Variants in CTNNAL1 observed in about 807,000 individuals in gnomAD.
CTNNAL1 encodes alpha-catulin.
Under a neutral mutation model 93.6 loss-of-function variants are expected in CTNNAL1, and 69 were observed. That is an observed-to-expected ratio of 0.74 (90% CI 0.61 to 0.90). The LOEUF (loss-of-function observed/expected upper bound fraction) is 0.90, where lower values mean the gene tolerates loss of function less well. CTNNAL1 is among the 40% of genes least tolerant of loss of function. The pLI, the probability that CTNNAL1 is intolerant of heterozygous loss-of-function variation, is 0.00. For missense variants in CTNNAL1, 836 were observed against 862.0 expected (o/e 0.97, Z 0.38); for synonymous variants, 286 against 305.4 (o/e 0.94, Z 0.66).
intron 11 of CTNNAL1, among the ~76,000 whole-genome samples, chr9:108,963,902 A>C (rs1309065010): frequency 6.6e-6 from 1 of 152,210 alleles, no homozygotes; most frequent in Non-Finnish European, 1.5e-5. Flanking sequence ...TTATTGAGTC[A>C]AGGACACTTG....
At chr9:108,969,043 G>C (rs1219687278) in intron 10 of CTNNAL1, among the ~76,000 whole-genome samples, 1 of 152,022 alleles carries the variant, frequency 6.6e-6, no homozygotes, top group African/African-American at 2.4e-5. Context: ...AGGCCGAGGC[G>C]GGGGGATCAT....
At chr9:108,983,352 A>T in intron 5 of CTNNAL1, 37 bp from the exon 6 acceptor site, 1 of 1,405,168 alleles carries the variant, frequency 7.1e-7, no homozygotes, top group Non-Finnish European at 9.3e-7. Flanking sequence ...TTAATATTTG[A>T]TTTATGTCAT....
intron 2 of CTNNAL1, among the ~76,000 whole-genome samples, chr9:108,997,588 C>A (rs1468511528): frequency 1.3e-5 from 2 of 152,104 alleles, no homozygotes; most frequent in African/African-American, 4.8e-5. Flanking sequence ...ATCTTGTCCA[C>A]CCCTCTACAT....
At chr9:108,959,822 C>T (rs964587387) in intron 11 of CTNNAL1, among the ~76,000 whole-genome samples, 5 of 152,072 alleles carry the variant, frequency 3.3e-5, no homozygotes, top group African/African-American at 1.2e-4. Flanking sequence ...TACAATTGTG[C>T]CATCTTCTGA....
chr9:108,956,631 G>A (rs1830694732), intron 11 of CTNNAL1, among the ~76,000 whole-genome samples: 3 of 152,142 alleles, frequency 2.0e-5, no homozygotes, highest in Non-Finnish European at 2.9e-5. Flanking sequence ...CAACCATTTT[G>A]AAATTTCATA....
chr9:108,967,020 T>C (rs1830972894), intron 10 of CTNNAL1, among the ~76,000 whole-genome samples: 1 of 152,206 alleles, frequency 6.6e-6, no homozygotes, highest in African/African-American at 2.4e-5. Flanking sequence ...TCACAGCAGA[T>C]CCTTTCCCTT....
intron 14 of CTNNAL1, among the ~76,000 whole-genome samples, chr9:108,949,434 G>A (rs888238717): frequency 1.3e-5 from 2 of 152,158 alleles, no homozygotes; most frequent in Admixed American, 6.5e-5. Flanking sequence ...TTGGCCAAGC[G>A]CGGTGGCTCA....
chr9:109,009,406 A>G (rs746882851), intron 1 of CTNNAL1, among the ~76,000 whole-genome samples: 2 of 152,014 alleles, frequency 1.3e-5, no homozygotes, highest in Admixed American at 6.6e-5. Flanking sequence ...ATCCAATTTC[A>G]TAATTTCTAT....
intron 3 of CTNNAL1, among the ~76,000 whole-genome samples, chr9:108,991,203 G>A (rs1354658740): frequency 6.6e-6 from 1 of 152,214 alleles, no homozygotes; most frequent in Non-Finnish European, 1.5e-5. Flanking sequence ...ACTGGGAAGG[G>A]GTGAGGATGA....
intron 1 of CTNNAL1, among the ~76,000 whole-genome samples, chr9:109,002,370 C>T (rs1005613782): frequency 2.6e-5 from 4 of 152,140 alleles, no homozygotes; most frequent in Non-Finnish European, 5.9e-5. Context: ...TAAGTTCCAA[C>T]ATATAAATTT....
chr9:108,969,145 C>T (rs1055168079), intron 10 of CTNNAL1, among the ~76,000 whole-genome samples: 1 of 152,012 alleles, frequency 6.6e-6, no homozygotes, highest in East Asian at 1.9e-4. Context: ...TGGCATATGC[C>T]TGTAATCCCA....
chr9:108,972,865 A>ACCCCCCG, intron 8 of CTNNAL1, 32 bp from the exon 9 acceptor site: 1 of 219,282 alleles, frequency 4.6e-6, no homozygotes, highest in Non-Finnish European at 6.2e-6. Flanking sequence ...GGGGGGTGGG[A>ACCCCCCG]GGGTGGAGAA....
At chr9:108,971,162 T>C (rs558182299) in intron 9 of CTNNAL1, among the ~76,000 whole-genome samples, 1 of 152,354 alleles carries the variant, frequency 6.6e-6, no homozygotes, top group East Asian at 1.9e-4. Context: ...ACAGTCATTT[T>C]AAGAATGTTC....
At chr9:108,971,503 G>A (rs2132129978) in intron 9 of CTNNAL1, among the ~76,000 whole-genome samples, 1 of 152,312 alleles carries the variant, frequency 6.6e-6, no homozygotes, top group East Asian at 1.9e-4. Context: ...CATGGGGGCA[G>A]TTTCCTCCAT....
chr9:108,960,662 GAACA>G (rs560782838), intron 11 of CTNNAL1, among the ~76,000 whole-genome samples: 8 of 152,222 alleles, frequency 5.3e-5, no homozygotes, highest in Non-Finnish European at 1.2e-4. Context: ...GATTGAAATA[GAACA>G]AAGGGAATTC....
intron 11 of CTNNAL1, among the ~76,000 whole-genome samples, chr9:108,956,629 T>C (rs532114567): frequency 4.7e-4 from 72 of 152,326 alleles, no homozygotes; most frequent in African/African-American, 1.5e-3. Context: ...TTCAACCATT[T>C]TGAAATTTCA....
At chr9:109,008,908 G>C (rs1175720800) in intron 1 of CTNNAL1, among the ~76,000 whole-genome samples, 1 of 80,748 alleles carries the variant, frequency 1.2e-5, no homozygotes, top group African/African-American at 4.7e-5. Flanking sequence ...TTTTTTTTGA[G>C]ACAGGGTCTC....
chr9:108,990,620 C>T, intron 4 of CTNNAL1, 106 bp downstream of exon 4: 1 of 1,384,446 alleles, frequency 7.2e-7, no homozygotes, highest in Non-Finnish European at 9.6e-7. Flanking sequence ...AGGCTATAGA[C>T]TTAATAAGCA....
At chr9:108,976,553 C>T (rs369437396) in intron 8 of CTNNAL1, among the ~76,000 whole-genome samples, 3 of 150,404 alleles carry the variant, frequency 2.0e-5, no homozygotes, top group African/African-American at 7.4e-5. Context: ...TTTTTTGAGA[C>T]ACAGTCTCAC....
Sources: allele counts gnomAD v4.1 joint callset (sites outside exome capture counted in the v4.1 genomes callset), GRCh38; gene constraint gnomAD v4.1.1; transcripts MANE v1.5; gene names NCBI Gene and HGNC (gene_info 2026-07-23, HGNC 2026-07-21).